ZC3H11A: variants seen among roughly 807,000 people sequenced by gnomAD.
ZC3H11A encodes the protein zinc finger CCCH-type containing 11A, also known as zinc finger CCCH domain-containing protein 11A.
Under a neutral mutation model 90.8 loss-of-function variants are expected in ZC3H11A, and 22 were observed. That is an observed-to-expected ratio of 0.24 (90% CI 0.17 to 0.35). The LOEUF is 0.35. Ranked by LOEUF, ZC3H11A falls within the 10% of genes least tolerant of loss-of-function variation. The pLI is 1.00. For synonymous variants in ZC3H11A, 294 were observed against 339.8 expected (o/e 0.87, Z 1.48); for missense variants, 701 against 964.9 (o/e 0.73, Z 3.62).
rs946320292 is a variant in ZC3H11A at position 203,853,340 on chromosome 1, A to G, written c.*941A>G. 10 of 152,518 alleles carry G rather than the reference A, an allele frequency of 6.6e-5. No homozygotes were observed. The highest frequency in any genetic ancestry group is 2.6e-4 in the Admixed American group (4 of 15,248). The allele number at this position is 152,518 out of a possible 1,614,324, so 9.4% of individuals were successfully genotyped here. A position where few individuals can be genotyped will look rare whatever the true frequency, so the allele number is the denominator to read the frequency against. Reference sequence around the variant, plus strand: ...AAAAATGAGCTTATTCAAGCTGCCAATATTTATCTATGGGCTGTAGCAGTA... The same window carrying G: ...AAAAATGAGCTTATTCAAGCTGCCAGTATTTATCTATGGGCTGTAGCAGTA... On this transcript the variant is annotated 3_prime_UTR_variant, in exon 18 of 18. Coordinates refer to ENST00000367210, the MANE Select transcript of ZC3H11A (RefSeq NM_001376342.1).
chr1:203,821,965 G>C (rs1257842526), intron 4 of ZC3H11A, among the ~76,000 whole-genome samples: 1 of 152,094 alleles, frequency 6.6e-6, no homozygotes, highest in African/African-American at 2.4e-5. Flanking sequence ...CACCGTGTTA[G>C]CCAGGATGGT....
intron 3 of ZC3H11A, 131 bp from the exon 4 acceptor site, chr1:203,818,439 C>T: frequency 8.4e-7 from 1 of 1,194,382 alleles, no homozygotes; most frequent in Non-Finnish European, 1.2e-6. Flanking sequence ...ATTCCATGTC[C>T]ATTGTTTTTT....
intron 1 of ZC3H11A, chr1:203,798,037 T>G: frequency 2.6e-6 from 4 of 1,535,184 alleles, no homozygotes; most frequent in Non-Finnish European, 3.5e-6. Flanking sequence ...ACATCTACTC[T>G]TCAACGACAT....
chr1:203,844,195 A>G (rs1687267986), intron 12 of ZC3H11A, among the ~76,000 whole-genome samples: 2 of 138,204 alleles, frequency 1.4e-5, no homozygotes, highest in African/African-American at 5.5e-5. Context: ...ACAGAGTCTC[A>G]CTCTCATCCA....
At chr1:203,796,560 G>T in intron 1 of ZC3H11A, 1 of 398,528 alleles carries the variant, frequency 2.5e-6, no homozygotes, top group South Asian at 1.3e-4. Flanking sequence ...TCTGGACCTT[G>T]AGAAAGAGGC....
At chr1:203,852,025 T>G in intron 17 of ZC3H11A, 116 bp from the exon 18 acceptor site, 1 of 988,582 alleles carries the variant, frequency 1.0e-6, no homozygotes, top group Non-Finnish European at 1.5e-6. Flanking sequence ...AAAGAATTAT[T>G]TCTTTATGTA....
intron 1 of ZC3H11A, chr1:203,798,746 T>G: frequency 6.5e-7 from 1 of 1,536,082 alleles, no homozygotes. Context: ...CAGTCTCAAG[T>G]CACATAAGTC....
chr1:203,796,565 A>G (rs1012589912), intron 1 of ZC3H11A: 4 of 398,376 alleles, frequency 1.0e-5, no homozygotes, highest in African/African-American at 4.1e-5. Flanking sequence ...ACCTTGAGAA[A>G]GAGGCTGTGG....
intron 2 of ZC3H11A, among the ~76,000 whole-genome samples, chr1:203,810,462 C>T (rs1184441780): frequency 6.0e-5 from 9 of 149,966 alleles, no homozygotes; most frequent in African/African-American, 2.0e-4. Context: ...CTCTGTCGCC[C>T]AGGCTAGAGT....
At chr1:203,829,740 T>C in intron 6 of ZC3H11A, 40 bp from the exon 7 acceptor site, 1 of 1,612,138 alleles carries the variant, frequency 6.2e-7, no homozygotes, top group Non-Finnish European at 8.5e-7. Context: ...GCTATAGGCG[T>C]ATTTTTAATT....
chr1:203,797,771 A>C (rs1669087882), intron 1 of ZC3H11A: 4 of 1,535,808 alleles, frequency 2.6e-6, no homozygotes, highest in Non-Finnish European at 1.7e-6. Context: ...TTCTTGCCAA[A>C]AAGTTTAGTA....
In ZC3H11A at chr1:203,849,813, T is replaced by C. The variant is rs769318201; in HGVS notation, c.1726T>C (p.Ser576Pro). The C allele has an allele frequency of 1.9e-6, 3 of 1,613,790 alleles. No individual in the cohort carries two copies. The change falls in exon 15 of 18, where the codon TCA becomes CCA. Residue 576 changes from serine (S) to proline (P), a missense_variant. By Grantham distance (74) the Ser-to-Pro change is moderately conservative. Transcript: ENST00000367210. ...GCAGAAACAGCAGGAGAGGGAAAAATCAGTCTTGACACCTCTTCGGGGAGA... is the reference window on the plus strand; with the variant it reads ...GCAGAAACAGCAGGAGAGGGAAAAACCAGTCTTGACACCTCTTCGGGGAGA... ...HMQKQQEREK[S>P]VLTPLRGDVA...
intron 1 of ZC3H11A, chr1:203,798,862 C>T: frequency 6.5e-7 from 1 of 1,536,060 alleles, no homozygotes; most frequent in Non-Finnish European, 8.7e-7. Flanking sequence ...TATAGGTTGC[C>T]ATCAGAGACT....
intron 12 of ZC3H11A, among the ~76,000 whole-genome samples, chr1:203,845,158 C>G (rs1687544998): frequency 6.6e-6 from 1 of 152,210 alleles, no homozygotes; most frequent in South Asian, 2.1e-4. Flanking sequence ...ATTCAGACAT[C>G]TGCTTTCTGT....
chr1:203,833,052 G>C (rs1453930309), intron 9 of ZC3H11A, among the ~76,000 whole-genome samples: 1 of 151,592 alleles, frequency 6.6e-6, no homozygotes, highest in Non-Finnish European at 1.5e-5. Context: ...TGGCCAACAT[G>C]GTGAAACCCT....
rs1019433330 is a variant in ZC3H11A at position 203,842,907 on chromosome 1, T to C, written c.1042+2533T>C. On this transcript the variant is annotated intron_variant, in intron 12 of 17. Transcript: ENST00000367210. ...TAAGGAATAATAAAATGAACATCCA[T>C]GTATTCAGCCTTCCGTCTTTTTTTT... Among the ~76,000 whole-genome samples, 10 of 131,126 alleles carry C rather than the reference T, an allele frequency of 7.6e-5. No individual in the cohort carries two copies. In the East Asian group the frequency reaches 2.3e-3, roughly 30 times the overall value. 86.0% of individuals were successfully genotyped at this position (131,126 alleles called of 152,430 possible). A position where few individuals can be genotyped will look rare whatever the true frequency, so the allele number is the denominator to read the frequency against.
In ZC3H11A at chr1:203,819,529, ATT is replaced by A. The variant is rs755259647; in HGVS notation, c.174+861_174+862del. ...GAGCCACCGTGCCCAGCTGACTCCAATTTTTTTTTTTTTTTTTTTTTTGAGAC... is the reference window on the plus strand; with the variant it reads ...GAGCCACCGTGCCCAGCTGACTCCAATTTTTTTTTTTTTTTTTTTTGAGAC... On this transcript the variant is annotated intron_variant, in intron 4 of 17. Transcript: ENST00000367210. Among the ~76,000 whole-genome samples, 174 of 72,848 alleles carry A rather than the reference ATT, an allele frequency of 2.4e-3. 1 individual carries two copies. The highest frequency in any genetic ancestry group is 0.023 in the East Asian group (63 of 2,766). 47.8% of individuals were successfully genotyped at this position (72,848 alleles called of 152,430 possible).
At chr1:203,826,337 T>C (rs957965733) in intron 4 of ZC3H11A, among the ~76,000 whole-genome samples, 5 of 151,016 alleles carry the variant, frequency 3.3e-5, no homozygotes, top group African/African-American at 1.2e-4. Flanking sequence ...TTTTAGAAAA[T>C]ATCAATAATA....
At chr1:203,840,959 TAAATATACAATAAAAA>T (rs1229332965) in intron 12 of ZC3H11A, among the ~76,000 whole-genome samples, 2 of 152,062 alleles carry the variant, frequency 1.3e-5, no homozygotes, top group Non-Finnish European at 1.5e-5. Context: ...AGAAACAACT[TAAATATACAATAAAAA>T]GGGTTTAGAT....
Sources: allele counts gnomAD v4.1 joint callset (sites outside exome capture counted in the v4.1 genomes callset), GRCh38; gene constraint gnomAD v4.1.1; transcripts MANE v1.5; gene names NCBI Gene and HGNC (gene_info 2026-07-23, HGNC 2026-07-21).